ANKH: variants seen among roughly 807,000 people sequenced by gnomAD.
ANKH encodes mineralization regulator ANKH.
ANKH carries 15 observed loss-of-function variants against 49.0 expected under a neutral mutation model. The ratio of observed to expected loss-of-function variants is 0.31; its 90% confidence interval spans 0.20 to 0.47. The LOEUF (loss-of-function observed/expected upper bound fraction) is 0.47. Ranked by LOEUF, ANKH falls within the 20% of genes least tolerant of loss-of-function variation. The probability of loss-of-function intolerance (pLI) is 1.00; values close to 1 mark genes in which losing one functional copy is unlikely to be tolerated. For missense variants in ANKH, 429 were observed against 652.0 expected (o/e 0.66, Z 3.72); for synonymous variants, 273 against 260.0 (o/e 1.05, Z -0.48).
chr5:14,716,622 A>T (rs572073925), intron 9 of ANKH, 84 bp downstream of exon 9: 1 of 1,575,720 alleles, frequency 6.3e-7, no homozygotes, highest in African/African-American at 1.3e-5. Flanking sequence ...TGTGTTGGTG[A>T]CATAATTGCA....
chr5:14,859,966 G>A (rs1735428410), intron 1 of ANKH, among the ~76,000 whole-genome samples: 3 of 152,322 alleles, frequency 2.0e-5, no homozygotes, highest in Middle Eastern at 3.4e-3. Flanking sequence ...TTGCTATTTG[G>A]TGCTGAAACA....
rs1234243788 is a variant in ANKH at position 14,731,358 on chromosome 5, TGA to T, written c.1011+10467_1011+10468del. Among the ~76,000 whole-genome samples the T allele has an allele frequency of 2.6e-5, 4 of 151,562 alleles. No homozygotes were observed. The East Asian group carries it at 7.8e-4, about 30-fold the overall frequency. On this transcript the variant is annotated intron_variant, in intron 8 of 11. Transcript: ENST00000284268. ...CCCCCATAAGAACAAGGTCGGGAGG[TGA>T]AAGCCCAAGTGCTCAGAGTAAAAGT...
intron 8 of ANKH, among the ~76,000 whole-genome samples, chr5:14,741,009 TTTC>T (rs1418312353): frequency 6.6e-6 from 1 of 152,220 alleles, no homozygotes; most frequent in African/African-American, 2.4e-5. Context: ...AAGACTCTTA[TTTC>T]TTCTTATCGT....
intron 1 of ANKH, among the ~76,000 whole-genome samples, chr5:14,855,599 C>T (rs904319087): frequency 1.3e-5 from 2 of 152,004 alleles, no homozygotes; most frequent in Non-Finnish European, 2.9e-5. Context: ...TAACTGTCAA[C>T]AAAATTGAGA....
chr5:14,771,167 AC>A, intron 1 of ANKH, among the ~76,000 whole-genome samples: 1 of 152,372 alleles, frequency 6.6e-6, no homozygotes, highest in African/African-American at 2.4e-5. Context: ...ACTGAATACA[AC>A]AAAAGATTCA....
chr5:14,804,868 G>A (rs1176548486), intron 1 of ANKH, among the ~76,000 whole-genome samples: 1 of 152,124 alleles, frequency 6.6e-6, no homozygotes, highest in African/African-American at 2.4e-5. Flanking sequence ...AGTAATCACT[G>A]GGACGTCTTG....
intron 1 of ANKH, chr5:14,798,077 A>AAAACCTCC: frequency 6.3e-7 from 1 of 1,582,118 alleles, no homozygotes; most frequent in Non-Finnish European, 8.7e-7. Context: ...TAACTGAACC[A>AAAACCTCC]AAACCTCCAA....
chr5:14,841,290 A>T (rs1432724184), intron 1 of ANKH, among the ~76,000 whole-genome samples: 1 of 151,466 alleles, frequency 6.6e-6, no homozygotes, highest in Non-Finnish European at 1.5e-5. Context: ...AACATAAAAT[A>T]TAACATTTAT....
At chr5:14,869,819 C>T (rs911420669) in intron 1 of ANKH, 2 of 152,204 alleles carry the variant, frequency 1.3e-5, no homozygotes, top group African/African-American at 4.8e-5. Context: ...CACACAAACA[C>T]ACACCAGTTC....
At chr5:14,806,610 C>T (rs565277962) in intron 1 of ANKH, among the ~76,000 whole-genome samples, 4 of 152,280 alleles carry the variant, frequency 2.6e-5, no homozygotes, top group Admixed American at 2.6e-4. Context: ...GCAGGGGTGA[C>T]TGTGGACCAT....
At chr5:14,716,303 G>A (rs748030335) in intron 9 of ANKH, among the ~76,000 whole-genome samples, 5 of 152,180 alleles carry the variant, frequency 3.3e-5, no homozygotes, top group Non-Finnish European at 2.9e-5. Flanking sequence ...GACCAGCCTG[G>A]ACAACATGGT....
chr5:14,720,150 C>T (rs1048867940), intron 8 of ANKH, among the ~76,000 whole-genome samples: 12 of 151,998 alleles, frequency 7.9e-5, no homozygotes, highest in African/African-American at 2.4e-4. Flanking sequence ...ATATGTTTTG[C>T]TTTGTAAGTG....
intron 1 of ANKH, among the ~76,000 whole-genome samples, chr5:14,843,815 A>T (rs1284347230): frequency 6.6e-6 from 1 of 152,230 alleles, no homozygotes; most frequent in Non-Finnish European, 1.5e-5. Flanking sequence ...TAAGGGTTAC[A>T]ATAAAGAAAT....
At chr5:14,823,697 C>T (rs781781369) in intron 1 of ANKH, among the ~76,000 whole-genome samples, 1 of 152,274 alleles carries the variant, frequency 6.6e-6, no homozygotes, top group African/African-American at 2.4e-5. Flanking sequence ...GAGGCCAAGG[C>T]GGGTGGATCA....
rs1024551124 is a variant in ANKH, at chr5:14,713,269, T to C, written c.1265+275A>G. On this transcript the variant is annotated intron_variant, in intron 10 of 11. Coordinates refer to ENST00000284268, the MANE Select transcript of ANKH (RefSeq NM_054027.6). This position sits in a 1 kb window ranked among gnomAD's most constrained non-coding sequence, Gnocchi z 4.4. ...CCATGTCCTTCTCTTCTGGTTTTCA[T>C]GTCCAGCATACGTTCAAGCCCGTGC... Among the ~76,000 whole-genome samples the C allele has an allele frequency of 3.9e-5, 6 of 152,122 alleles. No individual in the cohort carries two copies. The highest frequency in any genetic ancestry group is 1.2e-4 in the African/African-American group (5 of 41,434).
chr5:14,836,297 G>T (rs1295614205), intron 1 of ANKH, among the ~76,000 whole-genome samples: 1 of 152,090 alleles, frequency 6.6e-6, no homozygotes, highest in East Asian at 1.9e-4. Flanking sequence ...GAAATAAAGG[G>T]TATTCAATTA....
At chr5:14,747,381 A>G (rs868754557) in intron 6 of ANKH, among the ~76,000 whole-genome samples, 33 of 152,166 alleles carry the variant, frequency 2.2e-4, no homozygotes, top group African/African-American at 7.5e-4. Context: ...GGAGTTCGAG[A>G]CCAGCCTGGA....
Position 14,705,345 on chromosome 5 carries a change from T to A in ANKH, c.*5852A>T, listed in dbSNP as rs1171773385. 1 of 152,138 alleles carries A rather than the reference T, an allele frequency of 6.6e-6. No individual in the cohort carries two copies. Among genetic ancestry groups the A allele is most frequent in the African/African-American group, 2.4e-5 (1 of 41,410 alleles). The allele number at this position is 152,138 out of a possible 1,614,324, so 9.4% of individuals were successfully genotyped here. A position where few individuals can be genotyped will look rare whatever the true frequency, so the allele number is the denominator to read the frequency against. Reference sequence around the variant, plus strand: ...GATCTGAAATGAAGAATGAGGTGATTTTATTCTTCCATTGTAGGATCTCAT... The same window carrying A: ...GATCTGAAATGAAGAATGAGGTGATATTATTCTTCCATTGTAGGATCTCAT... On this transcript the variant is annotated 3_prime_UTR_variant, in exon 12 of 12. Coordinates refer to ENST00000284268, the MANE Select transcript of ANKH (RefSeq NM_054027.6).
intron 2 of ANKH, among the ~76,000 whole-genome samples, chr5:14,766,492 T>C (rs1280247493): frequency 2.0e-5 from 3 of 152,164 alleles, no homozygotes; most frequent in Non-Finnish European, 2.9e-5. Flanking sequence ...ATGAGGCCTG[T>C]CCCAACCCCA....
Sources: gnomAD v4.1 joint callset for allele counts (sites outside exome capture counted in the v4.1 genomes callset) on GRCh38, gnomAD v4.1.1 for gene constraint, Gnocchi (gnomAD v3.1) non-coding constraint, MANE v1.5 for transcripts, NCBI Gene and HGNC (gene_info 2026-07-23, HGNC 2026-07-21) for gene names.